Variants in TENM4 observed in about 807,000 individuals in gnomAD.
The protein encoded by TENM4 is teneurin transmembrane protein 4.
In TENM4, 82 loss-of-function variants were observed where a neutral mutation model predicts 243.3. The ratio of observed to expected loss-of-function variants is 0.34; its 90% CI spans 0.28 to 0.40. TENM4 has a LOEUF of 0.40. Among genes scored for constraint, TENM4 ranks in the 10% least tolerant of loss-of-function variants. TENM4 has a pLI of 1.00. For missense variants in TENM4, 3,138 were observed against 3,673.3 expected (o/e 0.85, Z 3.77); for synonymous variants, 1,412 against 1,456.3 (o/e 0.97, Z 0.69).
intron 4 of TENM4, among the ~76,000 whole-genome samples, chr11:79,082,007 G>C (rs1202564030): frequency 6.6e-6 from 1 of 152,142 alleles, no homozygotes; most frequent in Non-Finnish European, 1.5e-5. Flanking sequence ...TTCATCATCT[G>C]TTAGGAAAAT....
At chr11:78,782,721 G>T (rs1398243766) in intron 16 of TENM4, among the ~76,000 whole-genome samples, 1 of 151,854 alleles carries the variant, frequency 6.6e-6, no homozygotes, top group Admixed American at 6.6e-5. Context: ...ATCCGAGGTG[G>T]TGCCACTGTA....
intron 26 of TENM4, among the ~76,000 whole-genome samples, chr11:78,708,832 A>G (rs1859323146): frequency 6.6e-6 from 1 of 152,174 alleles, no homozygotes; most frequent in South Asian, 2.1e-4. Context: ...TTTAAGCACT[A>G]GAGATACAGT....
intron 4 of TENM4, among the ~76,000 whole-genome samples, chr11:79,125,337 C>T (rs1272858563): frequency 6.6e-6 from 1 of 152,170 alleles, no homozygotes; most frequent in Non-Finnish European, 1.5e-5. Context: ...GATTCCATCT[C>T]CTGGCTTCAG....
In TENM4 at chr11:78,913,583, A is replaced by ATGTGTG. The variant is rs55835050; in HGVS notation, c.494-10066_494-10061dup. On this transcript the variant is annotated intron_variant, in intron 6 of 33. Transcript: ENST00000278550. ...GAACCATAGTTGATGGGTAAGAGGTATGTGTGTGTGTGTGTGTGTGTGTGT... is the reference window on the plus strand; with the variant it reads ...GAACCATAGTTGATGGGTAAGAGGTATGTGTGTGTGTGTGTGTGTGTGTGTGTGTGT... Among the ~76,000 whole-genome samples the ATGTGTG allele has an allele frequency of 3.4e-3, 480 of 141,910 alleles. 1 individual carries two copies. The highest frequency in any genetic ancestry group is 5.9e-3 in the African/African-American group (221 of 37,282). The allele number at this position is 141,910 out of a possible 152,430, so 93.1% of individuals were successfully genotyped here.
chr11:79,319,852 C>T (rs1201322866), intron 1 of TENM4, among the ~76,000 whole-genome samples: 8 of 152,118 alleles, frequency 5.3e-5, no homozygotes, highest in Non-Finnish European at 7.4e-5. Context: ...CCAACCTGTC[C>T]GGTCCTGAAG....
At chr11:79,338,281 C>A (rs1180793210) in intron 1 of TENM4, among the ~76,000 whole-genome samples, 2 of 152,246 alleles carry the variant, frequency 1.3e-5, no homozygotes, top group Non-Finnish European at 2.9e-5. Flanking sequence ...GCTGCTGCAT[C>A]TGAGATTCCA....
At chr11:78,740,525 T>G (rs1033294757) in intron 19 of TENM4, among the ~76,000 whole-genome samples, 1 of 152,234 alleles carries the variant, frequency 6.6e-6, no homozygotes, top group Non-Finnish European at 1.5e-5. Context: ...TCCAATGTAT[T>G]TATGTGAAAT....
intron 19 of TENM4, among the ~76,000 whole-genome samples, chr11:78,745,359 T>C (rs1471861091): frequency 6.6e-6 from 1 of 152,016 alleles, no homozygotes; most frequent in Non-Finnish European, 1.5e-5. Flanking sequence ...CCTGAGTAGC[T>C]GGGATTAAAG....
intron 4 of TENM4, among the ~76,000 whole-genome samples, chr11:79,115,933 T>C (rs1172147003): frequency 1.3e-5 from 2 of 152,190 alleles, no homozygotes. Context: ...AGGCCCCAGA[T>C]GGGCAGACAG....
chr11:79,244,561 C>T (rs1242324743), intron 2 of TENM4, among the ~76,000 whole-genome samples: 1 of 151,998 alleles, frequency 6.6e-6, no homozygotes, highest in Non-Finnish European at 1.5e-5. Context: ...TGAGGACTCA[C>T]CCATAAAAAA....
At chr11:78,746,324 T>G (rs1856050684) in intron 19 of TENM4, among the ~76,000 whole-genome samples, 1 of 152,356 alleles carries the variant, frequency 6.6e-6, no homozygotes, top group African/African-American at 2.4e-5. Flanking sequence ...CACTTACTAG[T>G]GTCTTCAGGG....
chr11:78,981,888 C>T (rs979668328), intron 6 of TENM4, among the ~76,000 whole-genome samples: 13 of 152,222 alleles, frequency 8.5e-5, no homozygotes, highest in Admixed American at 5.2e-4. Flanking sequence ...CTGTGCTGCT[C>T]TCATGGAGTT....
intron 15 of TENM4, among the ~76,000 whole-genome samples, chr11:78,793,453 G>A (rs1057316343): frequency 6.6e-6 from 1 of 152,166 alleles, no homozygotes; most frequent in Non-Finnish European, 1.5e-5. Flanking sequence ...CTATTTTGCT[G>A]AGGACCTGAG....
At chr11:78,962,850 G>C (rs189445409) in intron 6 of TENM4, among the ~76,000 whole-genome samples, 29 of 152,344 alleles carry the variant, frequency 1.9e-4, no homozygotes, top group Middle Eastern at 6.8e-3. Context: ...CAGGCCCTAG[G>C]CCTCGTAAAA....
chr11:78,865,003 G>A (rs1251629099), intron 9 of TENM4, among the ~76,000 whole-genome samples: 1 of 152,182 alleles, frequency 6.6e-6, no homozygotes, highest in Non-Finnish European at 1.5e-5. Flanking sequence ...CATAGTAATT[G>A]TATTTACTGT....
At chr11:79,262,180 T>C (rs1298970136) in intron 2 of TENM4, among the ~76,000 whole-genome samples, 5 of 152,176 alleles carry the variant, frequency 3.3e-5, no homozygotes, top group African/African-American at 9.7e-5. Flanking sequence ...CAGGAAAGTC[T>C]TGGAGGCTCA....
chr11:78,657,975 C>A lies in TENM4; in HGVS notation c.*83G>T. 2 of 1,595,558 alleles carry A rather than the reference C, an allele frequency of 1.3e-6. No homozygotes were observed. The highest frequency in any genetic ancestry group is 2.2e-5 in the South Asian group (2 of 90,218). ...TTTGTTTCTGCACTTGTTAAAAAAT[C>A]ATTTTTTTAAAAGTACAACACAGTC... On this transcript the variant is annotated 3_prime_UTR_variant, in exon 34 of 34. Coordinates refer to ENST00000278550, the MANE Select transcript of TENM4 (RefSeq NM_001098816.3).
chr11:79,163,730 T>G (rs575657826), intron 3 of TENM4, among the ~76,000 whole-genome samples: 42 of 150,982 alleles, frequency 2.8e-4, no homozygotes, highest in Admixed American at 2.6e-3. Flanking sequence ...TCATTTCTTT[T>G]TATGTCTGAG....
In TENM4 at chr11:78,722,073, C is replaced by T. The variant is rs547186058; in HGVS notation, c.3800+595G>A. ...TGAGGAGCAGAGAGGTCAGTTTTCT[C>T]GATATTGGTCAGTTGAAGGGAACTG... On this transcript the variant is annotated intron_variant, in intron 24 of 33. Transcript: ENST00000278550. 3.3e-5 allele frequency among the ~76,000 whole-genome samples: 5 copies of T among 152,228 alleles called. No homozygotes were observed. In the East Asian group the frequency reaches 5.8e-4, roughly 18 times the overall value.
Sources: gnomAD v4.1 joint callset for allele counts (sites outside exome capture counted in the v4.1 genomes callset) on GRCh38, gnomAD v4.1.1 for gene constraint, MANE v1.5 for transcripts, NCBI Gene and HGNC (gene_info 2026-07-23, HGNC 2026-07-21) for gene names.